Variants in SSBP3 observed in about 807,000 individuals in gnomAD.
The protein encoded by SSBP3 is single-stranded DNA-binding protein 3.
In SSBP3, 5 loss-of-function variants were observed where a neutral mutation model predicts 69.6. The observed-to-expected ratio is 0.07, with a 90% CI of 0.04 to 0.15. The LOEUF (loss-of-function observed/expected upper bound fraction) is 0.15. Ranked by LOEUF, SSBP3 falls within the 10% of genes least tolerant of loss-of-function variation. SSBP3 has a pLI of 1.00. For missense variants in SSBP3, 312 were observed against 534.0 expected, an observed-to-expected ratio of 0.58 and a Z score of 4.10; for synonymous variants, 196 against 193.4, an observed-to-expected ratio of 1.01 and a Z score of -0.11.
chr1:54,256,681 T>A (rs1644926892), intron 7 of SSBP3, among the ~76,000 whole-genome samples: 1 of 151,846 alleles, frequency 6.6e-6, no homozygotes, highest in Non-Finnish European at 1.5e-5. Context: ...ACGGGCCATT[T>A]CCCCCCCTAA....
chr1:54,346,196 G>C (rs188247342), intron 4 of SSBP3, among the ~76,000 whole-genome samples: 293 of 151,262 alleles, frequency 1.9e-3, no homozygotes, highest in Non-Finnish European at 3.5e-3. Context: ...GCGGCACCAT[G>C]TGCTTGTAGT....
At chr1:54,243,623 G>A (rs912808845) in intron 9 of SSBP3, among the ~76,000 whole-genome samples, 4 of 152,156 alleles carry the variant, frequency 2.6e-5, no homozygotes, top group African/African-American at 9.7e-5. Context: ...CCTTCCCCCT[G>A]GGCTCAGGCG....
chr1:54,292,845 A>G (rs1645633164), intron 4 of SSBP3, among the ~76,000 whole-genome samples: 1 of 152,100 alleles, frequency 6.6e-6, no homozygotes, highest in African/African-American at 2.4e-5. Flanking sequence ...AAAAACAGCC[A>G]TTCTAGATAA....
At chr1:54,234,294 C>T (rs1644446693) in intron 14 of SSBP3, among the ~76,000 whole-genome samples, 1 of 149,164 alleles carries the variant, frequency 6.7e-6, no homozygotes, top group East Asian at 2.0e-4. Context: ...ACTATTGTCC[C>T]ATGACCCTGC....
chr1:54,279,379 T>TG (rs1645350368), intron 5 of SSBP3, among the ~76,000 whole-genome samples: 1 of 152,202 alleles, frequency 6.6e-6, no homozygotes, highest in African/African-American at 2.4e-5. Context: ...GCCTTAGCCA[T>TG]GGACGATTAT....
At chr1:54,401,828 A>C in intron 4 of SSBP3, 33 bp downstream of exon 4, 1 of 1,582,492 alleles carries the variant, frequency 6.3e-7, no homozygotes, top group South Asian at 1.1e-5. Context: ...CCAACCCTAT[A>C]ATTATTGCTA....
chr1:54,336,213 G>A (rs1646504933), intron 4 of SSBP3, among the ~76,000 whole-genome samples: 1 of 152,174 alleles, frequency 6.6e-6, no homozygotes, highest in Non-Finnish European at 1.5e-5. Flanking sequence ...TAATCCAGTG[G>A]GCTATCCTGT....
intron 14 of SSBP3, chr1:54,238,606 G>A: frequency 3.0e-6 from 1 of 329,838 alleles, no homozygotes; most frequent in Non-Finnish European, 6.3e-6. Context: ...AATGTGAGCT[G>A]CAACATCACC....
At chr1:54,317,393 CGGGTGTGGTGGCA>C (rs1646132252) in intron 4 of SSBP3, among the ~76,000 whole-genome samples, 2 of 151,912 alleles carry the variant, frequency 1.3e-5, no homozygotes, top group Admixed American at 1.3e-4. Context: ...AAAAATGAGC[CGGGTGTGGTGGCA>C]GGCGCCTGTG....
At chr1:54,234,619 T>C (rs1281938351) in intron 14 of SSBP3, among the ~76,000 whole-genome samples, 1 of 152,138 alleles carries the variant, frequency 6.6e-6, no homozygotes, top group African/African-American at 2.4e-5. Flanking sequence ...ATAGGATTAA[T>C]GAAACAAACA....
At chr1:54,267,000 G>A (rs1330627811) in intron 5 of SSBP3, among the ~76,000 whole-genome samples, 3 of 152,328 alleles carry the variant, frequency 2.0e-5, no homozygotes, top group Middle Eastern at 3.4e-3. Context: ...CCTTCCCCTT[G>A]TTTGCCAGCA....
intron 5 of SSBP3, among the ~76,000 whole-genome samples, chr1:54,259,159 G>A (rs746382533): frequency 9.7e-5 from 14 of 144,096 alleles, no homozygotes; most frequent in East Asian, 2.0e-4. Flanking sequence ...TGCTGACCTC[G>A]ACCCCCCTAC....
intron 4 of SSBP3, among the ~76,000 whole-genome samples, chr1:54,323,844 C>T (rs752332501): frequency 5.3e-5 from 8 of 152,082 alleles, no homozygotes; most frequent in Non-Finnish European, 1.0e-4. Flanking sequence ...GCAAAAAAGA[C>T]GGTCTTCCTT....
At chr1:54,243,555 A>C (rs2100662664) in intron 9 of SSBP3, among the ~76,000 whole-genome samples, 1 of 152,340 alleles carries the variant, frequency 6.6e-6, no homozygotes, top group South Asian at 2.1e-4. Flanking sequence ...GTTCTCAAAA[A>C]CATGTGGCTA....
chr1:54,364,399 G>T (rs1467178706), intron 4 of SSBP3, among the ~76,000 whole-genome samples: 1 of 152,176 alleles, frequency 6.6e-6, no homozygotes, highest in East Asian at 1.9e-4. Context: ...CTTTGTAAAT[G>T]CTTACTGAGA....
chr1:54,311,329 A>T (rs1645997938), intron 4 of SSBP3, among the ~76,000 whole-genome samples: 1 of 152,174 alleles, frequency 6.6e-6, no homozygotes, highest in Non-Finnish European at 1.5e-5. Context: ...AACAGAAGCC[A>T]AGAAGGAGAG....
intron 5 of SSBP3, among the ~76,000 whole-genome samples, chr1:54,274,371 G>A (rs1464100359): frequency 6.6e-6 from 1 of 150,540 alleles, no homozygotes; most frequent in African/African-American, 2.4e-5. Flanking sequence ...CTGACTTGGA[G>A]AGTGCTTCCA....
chr1:54,251,656 T>A (rs1353410268), exon 9 of SSBP3: 1 of 1,552,376 alleles, frequency 6.4e-7, no homozygotes, highest in Admixed American at 2.0e-5. Context: ...TCGGGGAGGG[T>A]TCATTCTCTG....
At chr1:54,365,819 G>A (rs533930467) in intron 4 of SSBP3, among the ~76,000 whole-genome samples, 1 of 152,318 alleles carries the variant, frequency 6.6e-6, no homozygotes, top group Non-Finnish European at 1.5e-5. Flanking sequence ...CTGGTGGGCT[G>A]CACAACCTAA....
Sources: gnomAD v4.1 joint callset for allele counts (sites outside exome capture counted in the v4.1 genomes callset) on GRCh38, gnomAD v4.1.1 for gene constraint, MANE v1.5 for transcripts, NCBI Gene and HGNC (gene_info 2026-07-23, HGNC 2026-07-21) for gene names.